Variants in OPA3 observed in about 807,000 individuals in gnomAD.
OPA3 encodes the protein optic atrophy 3 protein.
A neutral mutation model predicts 4.0 loss-of-function variants in OPA3; 6 were observed. The ratio of observed to expected loss-of-function variants is 1.51; its 90% CI spans 0.83 to 2.99. The LOEUF is 2.99. Ranked by LOEUF, OPA3 falls within the 30% of genes most tolerant of loss-of-function variation. The pLI is 0.00. For missense variants in OPA3, 235 were observed against 256.2 expected (o/e 0.92, Z 0.56); for synonymous variants, 105 against 117.1 (o/e 0.90, Z 0.67).
intron 1 of OPA3, among the ~76,000 whole-genome samples, chr19:45,531,683 G>A (rs1388477336): frequency 6.6e-6 from 1 of 152,140 alleles, no homozygotes; most frequent in African/African-American, 2.4e-5. Context: ...CATTAGATGA[G>A]ATGATAAATT....
chr19:45,546,401 T>C lies in OPA3; in HGVS notation c.*7113A>G, dbSNP rs1314608255. 5 of 600,818 alleles carry C rather than the reference T, an allele frequency of 8.3e-6. No individual in the cohort carries two copies. Among genetic ancestry groups the C allele is most frequent in the Non-Finnish European group, 1.0e-5 (5 of 479,642 alleles). The allele number at this position is 600,818 out of a possible 1,614,324, so 37.2% of individuals were successfully genotyped here. ...AAAATATATATTTTATATTCCATTA[T>C]ATATTGTGTCACATAATATATGAAT... On this transcript the variant is annotated 3_prime_UTR_variant, in exon 2 of 2. Transcript: ENST00000263275.
In OPA3 at chr19:45,548,110, C is replaced by A. The variant is rs571464354; in HGVS notation, c.*5404G>T. 1 of 985,510 alleles carries A rather than the reference C, an allele frequency of 1.0e-6. No homozygotes were observed. Among genetic ancestry groups the A allele is most frequent in the East Asian group, 1.1e-4 (1 of 8,820 alleles). The allele number at this position is 985,510 out of a possible 1,614,324, so 61.0% of individuals were successfully genotyped here. ...TAGAATGGAGCCTGGTGCAGTTGATCCTCAGTACACTCAGAGTTGCCATGC... is the reference window on the plus strand; with the variant it reads ...TAGAATGGAGCCTGGTGCAGTTGATACTCAGTACACTCAGAGTTGCCATGC... On this transcript the variant is annotated 3_prime_UTR_variant, in exon 2 of 2. Transcript: ENST00000263275.
At chr19:45,570,648 C>A (rs1173066417) in intron 1 of OPA3, among the ~76,000 whole-genome samples, 1 of 152,024 alleles carries the variant, frequency 6.6e-6, no homozygotes. Context: ...GATTGAACCA[C>A]TGCACTACAG....
Position 45,528,873 on chromosome 19 carries a change from T to TTAGTAGGCACTA in OPA3, c.*182_*183insTAGTGCCTACTA. ...GGAGGCGGAGAGTCCCAGTGGAAGG[T>TTAGTAGGCACTA]ACCACTGGGCAGGTTAGTAGGGAGG... On this transcript the variant is annotated 3_prime_UTR_variant, in exon 2 of 2. Transcript: ENST00000323060. 6.2e-6 allele frequency: 4 copies of TTAGTAGGCACTA among 648,976 alleles called. 1 individual carries two copies. In the South Asian group the frequency reaches 8.4e-5, roughly 14 times the overall value. 40.2% of individuals were successfully genotyped at this position (648,976 alleles called of 1,614,324 possible).
At position 45,552,066 on chromosome 19, in the gene OPA3, G is replaced by A. The variant is rs1969340906; in HGVS notation, c.*1448C>T. 3 of 985,486 alleles carry A rather than the reference G, an allele frequency of 3.0e-6. No individual in the cohort carries two copies. In the African/African-American group the frequency reaches 5.2e-5, roughly 17 times the overall value. The allele number at this position is 985,486 out of a possible 1,614,324, so 61.0% of individuals were successfully genotyped here. On this transcript the variant is annotated 3_prime_UTR_variant, in exon 2 of 2. Transcript: ENST00000263275. ...TTTCCCACCACGGAAAGGGGGGTTG[G>A]AGGACATTCACAGAAAAGATCCTGT...
At chr19:45,562,523 T>C (rs1176930488) in intron 1 of OPA3, among the ~76,000 whole-genome samples, 1 of 75,134 alleles carries the variant, frequency 1.3e-5, no homozygotes, top group African/African-American at 5.3e-5. Context: ...ACCCTGTCTC[T>C]ACTAAAAAAA....
In OPA3 at chr19:45,553,617, T is replaced by G; in HGVS notation, c.437A>C (p.Gln146Pro). The G allele has an allele frequency of 6.2e-7, 1 of 1,608,354 alleles. No individual in the cohort carries two copies. ...TGTGCGCAGTTCCTCCAGGGCGCCC[T>G]GTGGCGGCGCCGCCTGCACCTGCGC... ...LQAQVQAAPPQGALEELRTEL... is the reference protein window; with the variant it reads ...LQAQVQAAPPPGALEELRTEL... Residue 146 changes from glutamine to proline, a missense_variant, in exon 2 of 2, where the codon CAG becomes CCG. By Grantham distance (76) the Gln-to-Pro change is moderately conservative (BLOSUM62 -1). Coordinates refer to ENST00000263275, the MANE Select transcript of OPA3 (RefSeq NM_025136.4).
At chr19:45,542,840 A>G (rs1969202335), downstream of OPA3, among the ~76,000 whole-genome samples, 1 of 151,486 alleles carries the variant, frequency 6.6e-6, no homozygotes, top group Non-Finnish European at 1.5e-5. Context: ...CGCCTGGCTA[A>G]TTTTAGTACT....
At chr19:45,575,693 T>C (rs962960243) in intron 1 of OPA3, among the ~76,000 whole-genome samples, 1 of 152,090 alleles carries the variant, frequency 6.6e-6, no homozygotes, top group African/African-American at 2.4e-5. Context: ...TGCAGCCTCA[T>C]TCTCCTGGGC....
intron 1 of OPA3, among the ~76,000 whole-genome samples, chr19:45,575,399 C>T (rs567821959): frequency 2.0e-5 from 3 of 151,932 alleles, no homozygotes; most frequent in African/African-American, 7.3e-5. Context: ...CTAAGAGTTA[C>T]TACGGTAAGC....
At chr19:45,580,089 C>T (rs1251274295) in intron 1 of OPA3, among the ~76,000 whole-genome samples, 1 of 150,248 alleles carries the variant, frequency 6.7e-6, no homozygotes, top group South Asian at 2.1e-4. Context: ...CTCCGCCTCC[C>T]ATGTTCAAGT....
intron 1 of OPA3, among the ~76,000 whole-genome samples, chr19:45,540,222 C>A (rs1252431859): frequency 2.0e-5 from 3 of 151,858 alleles, no homozygotes; most frequent in Non-Finnish European, 4.4e-5. Context: ...GAGGCTGAGG[C>A]AGGAGAATCG....
intron 1 of OPA3, among the ~76,000 whole-genome samples, chr19:45,567,622 C>G (rs1382990010): frequency 6.6e-6 from 1 of 151,972 alleles, no homozygotes; most frequent in Non-Finnish European, 1.5e-5. Flanking sequence ...TGAACTGTAG[C>G]CTTTAGATCT....
At chr19:45,536,095 G>A (rs1307037114) in intron 1 of OPA3, among the ~76,000 whole-genome samples, 1 of 151,090 alleles carries the variant, frequency 6.6e-6, no homozygotes, top group Non-Finnish European at 1.5e-5. Flanking sequence ...CAGGTGTGGT[G>A]GCATGCACCT....
chr19:45,538,368 C>A (rs1490792204), intron 1 of OPA3, among the ~76,000 whole-genome samples: 1 of 152,068 alleles, frequency 6.6e-6, no homozygotes, highest in Non-Finnish European at 1.5e-5. Context: ...CTGCAGTGAG[C>A]TGTGATTGCA....
chr19:45,530,941 T>C (rs1349434921), intron 1 of OPA3, among the ~76,000 whole-genome samples: 2 of 121,794 alleles, frequency 1.6e-5, no homozygotes, highest in African/African-American at 6.7e-5. Context: ...TTTTTTTTTT[T>C]TTTTTTTTTT....
chr19:45,579,921 A>G (rs996273202), intron 1 of OPA3, among the ~76,000 whole-genome samples: 3 of 151,872 alleles, frequency 2.0e-5, no homozygotes, highest in African/African-American at 7.3e-5. Flanking sequence ...TAAATGACGT[A>G]CCCAAAGTCA....
chr19:45,553,092 G>A lies in OPA3; in HGVS notation c.*422C>T, dbSNP rs116977551. The A allele has an allele frequency of 3.3e-3, 3,751 of 1,122,378 alleles. 9 individuals carry two copies. Among genetic ancestry groups the A allele is most frequent in the Non-Finnish European group, 3.9e-3 (3,598 of 911,092 alleles). 69.5% of individuals were successfully genotyped at this position (1,122,378 alleles called of 1,614,324 possible). On this transcript the variant is annotated 3_prime_UTR_variant, in exon 2 of 2. Transcript: ENST00000263275. ...GCATTTCCTTACAGTGGTCTGTGCC[G>A]ATTGACAAAAAGAAGAAGGTGTTCC...
intron 1 of OPA3, among the ~76,000 whole-genome samples, chr19:45,567,270 G>A (rs1003149148): frequency 1.3e-5 from 2 of 150,784 alleles, no homozygotes; most frequent in African/African-American, 4.9e-5. Flanking sequence ...ATCCCAGGAG[G>A]TTGAGGCTGC....
Sources: allele counts gnomAD v4.1 joint callset (sites outside exome capture counted in the v4.1 genomes callset), GRCh38; gene constraint gnomAD v4.1.1; transcripts MANE v1.5; gene names NCBI Gene and HGNC (gene_info 2026-07-23, HGNC 2026-07-21).